Variants in BCL3 observed in about 807,000 individuals in gnomAD.
The protein encoded by BCL3 is BCL3 transcription coactivator, also known as B-cell lymphoma 3 protein.
BCL3 carries 15 observed loss-of-function variants against 35.7 expected under a neutral mutation model. The ratio of observed to expected loss-of-function variants is 0.42; its 90% CI spans 0.28 to 0.65. The LOEUF (loss-of-function observed/expected upper bound fraction) is 0.65, where lower values mean the gene tolerates loss of function less well. BCL3 is among the 30% of genes least tolerant of loss of function. The pLI is 0.22. For missense variants in BCL3, 565 were observed against 641.7 expected (o/e 0.88, Z 1.29); for synonymous variants, 311 against 284.3 (o/e 1.09, Z -0.95).
Position 44,752,731 on chromosome 19 carries a change from C to A in BCL3, c.410+1351C>A, listed in dbSNP as rs115921503. The stretch of plus-strand genomic sequence containing the variant: ...CTCACTGCAATTGATCATCATGATT[C>A]TTATTATTCTATTGACCTGGGTTGG... On this transcript the variant is annotated intron_variant, in intron 2 of 8. Coordinates refer to ENST00000164227, the MANE Select transcript of BCL3 (RefSeq NM_005178.5). 7.2e-3 allele frequency among the ~76,000 whole-genome samples: 1,092 copies of A among 152,266 alleles called. 11 individuals are homozygous for A. The highest frequency in any genetic ancestry group is 0.025 in the African/African-American group (1,051 of 41,528).
Position 44,759,577 on chromosome 19 carries a change from C to G in BCL3, c.1327C>G (p.Arg443Gly), listed in dbSNP as rs755569977. The G allele has an allele frequency of 7.5e-6, 12 of 1,609,552 alleles. No homozygotes were observed. The East Asian group carries it at 9.0e-5, about 12-fold the overall frequency. ...PFAGVLRGPG[R>G]PVPPSPAPGG... is the part of the protein sequence containing the mutation. The stretch of plus-strand genomic sequence containing the variant: ...TGCTGGGGTCCTCCGAGGCCCTGGC[C>G]GGCCGGTGCCCCCCTCCCCAGCTCC... The change falls in exon 9 of 9, where the codon CGG (arginine) becomes GGG (glycine). Residue 443 changes from arginine (R) to glycine (G), a missense_variant. Arg to Gly is a moderately radical substitution (Grantham distance 125). Around this residue, in one of 5 missense-constraint regions of BCL3, gnomAD observed 151 missense variants for 138.1 expected, o/e 1.09. Transcript: ENST00000164227.
chr19:44,759,479 A>C lies in BCL3; in HGVS notation c.1229A>C (p.Asp410Ala), dbSNP rs2122315527. ...TCACCCTCCCAGTCTCCCCCCAGGG[A>C]CCCCCCTGGATTCCCCATGGCTCCT... ...SSSPSQSPPR[D>A]PPGFPMAPPN... The change falls in exon 9 of 9, where the codon GAC becomes GCC. Residue 410 changes from aspartate (D) to alanine (A), a missense_variant. By Grantham distance (126) the Asp-to-Ala change is moderately radical. Coordinates refer to ENST00000164227, the MANE Select transcript of BCL3 (RefSeq NM_005178.5). The C allele has an allele frequency of 1.2e-6, 2 of 1,603,432 alleles. No homozygotes were observed. The highest frequency in any genetic ancestry group is 1.7e-6 in the Non-Finnish European group (2 of 1,175,466).
At chr19:44,756,683 T>C (rs1967294227) in intron 3 of BCL3, among the ~76,000 whole-genome samples, 1 of 150,582 alleles carries the variant, frequency 6.6e-6, no homozygotes, top group Admixed American at 6.6e-5. Flanking sequence ...AGCGAGGTGC[T>C]CCAGGCTCCT....
chr19:44,749,702 T>C (rs933779797), intron 1 of BCL3, among the ~76,000 whole-genome samples: 1 of 151,996 alleles, frequency 6.6e-6, no homozygotes, highest in African/African-American at 2.4e-5. Context: ...GAGACCCGGG[T>C]TTCTGGGTAC....
Position 44,751,253 on chromosome 19 carries a change from C to T in BCL3, c.283C>T (p.Arg95Trp), listed in dbSNP as rs780503593. 5.6e-6 allele frequency: 9 copies of T among 1,611,062 alleles called. No homozygotes were observed. The highest frequency in any genetic ancestry group is 5.4e-5 in the African/African-American group (4 of 74,654). Residue 95 changes from arginine to tryptophan, a missense_variant, in exon 2 of 9, where the codon CGG becomes TGG. Around this residue, in one of 5 missense-constraint regions of BCL3, gnomAD observed 267 missense variants for 281.5 expected, o/e 0.95. Coordinates refer to ENST00000164227, the MANE Select transcript of BCL3 (RefSeq NM_005178.5). ...PGALLPLYPT[R>W]AMGSPFPLVN... Reference sequence around the variant, plus strand: ...AGCCTTACTGCCTTTGTACCCCACTCGGGCCATGGGCTCCCCGTTTCCTCT... The same window carrying T: ...AGCCTTACTGCCTTTGTACCCCACTTGGGCCATGGGCTCCCCGTTTCCTCT...
chr19:44,758,970 C>T lies in BCL3; in HGVS notation c.1177+129C>T, dbSNP rs184362230. The T allele has an allele frequency of 7.0e-4, 556 of 790,592 alleles. 1 individual carries two copies. In the African/African-American group the frequency reaches 8.7e-3, roughly 12 times the overall value. 49.0% of individuals were successfully genotyped at this position (790,592 alleles called of 1,614,324 possible). On this transcript the variant is annotated intron_variant, in intron 8 of 8. Coordinates refer to ENST00000164227, the MANE Select transcript of BCL3 (RefSeq NM_005178.5). ...AGCCTCCTCCCTCTGACCCAGGAAT[C>T]CCAACCCATAGCCCCTCCTCCCTCA...
chr19:44,756,526 C>T lies in BCL3; in HGVS notation c.519+186C>T, dbSNP rs140655246. On this transcript the variant is annotated intron_variant, in intron 3 of 8. Coordinates refer to ENST00000164227, the MANE Select transcript of BCL3 (RefSeq NM_005178.5). Reference sequence around the variant, plus strand: ...GGAGGAGGGCTGCGGGCCTGGGATCCGGGGTCTGATGGAGGAGGGCTGGGT... The same window carrying T: ...GGAGGAGGGCTGCGGGCCTGGGATCTGGGGTCTGATGGAGGAGGGCTGGGT... Among the ~76,000 whole-genome samples the T allele has an allele frequency of 1.0e-3, 142 of 141,134 alleles. 2 individuals carry two copies. In the East Asian group the frequency reaches 0.026, roughly 26 times the overall value. The allele number at this position is 141,134 out of a possible 152,430, so 92.6% of individuals were successfully genotyped here.
Position 44,749,125 on chromosome 19 carries a change from A to C in BCL3, c.256+79A>C, listed in dbSNP as rs969752002. On this transcript the variant is annotated intron_variant, in intron 1 of 8. Transcript: ENST00000164227. ...CACCAGAGCCAGGAGGCAGAGCTTGAGGCACAAACCGGTGTCTCTCCAGGG... is the reference window on the plus strand; with the variant it reads ...CACCAGAGCCAGGAGGCAGAGCTTGCGGCACAAACCGGTGTCTCTCCAGGG... 4.0e-6 allele frequency: 3 copies of C among 742,400 alleles called. No individual in the cohort carries two copies. In the African/African-American group the frequency reaches 5.6e-5, roughly 14 times the overall value. The allele number at this position is 742,400 out of a possible 1,614,324, so 46.0% of individuals were successfully genotyped here. A position where few individuals can be genotyped will look rare whatever the true frequency, so the allele number is the denominator to read the frequency against.
rs1373472608 is a variant in BCL3, at chr19:44,757,803, A to T, written c.891+80A>T. 4.4e-6 allele frequency: 6 copies of T among 1,375,330 alleles called. No homozygotes were observed. The East Asian group carries it at 1.4e-4, about 32-fold the overall frequency. 85.2% of individuals were successfully genotyped at this position (1,375,330 alleles called of 1,614,324 possible). ...GCTCTGGCCTCAGCCCCTAGCTCTG[A>T]CCCCGCCTTCCACTTCTGGCTCCGG... On this transcript the variant is annotated intron_variant, in intron 6 of 8. Transcript: ENST00000164227. This position sits in a 1 kb window ranked among gnomAD's most constrained non-coding sequence, Gnocchi z 8.4.
At chr19:44,748,631 CG>C (rs947855046), upstream of BCL3, 48 of 915,434 alleles carry the variant, frequency 5.2e-5, no homozygotes, top group Middle Eastern at 5.1e-4. Context: ...CGGGTGGCCC[CG>C]GGGGGGCCGG....
rs544863954 is a variant in BCL3 at position 44,760,008 on chromosome 19, T to C, written c.*393T>C. ...CGATGTAAATTATTAAGCATTTTGG[T>C]TGGATTTCTTTTGTAATAAACTATT... On this transcript the variant is annotated 3_prime_UTR_variant, in exon 9 of 9. Transcript: ENST00000164227. 2 of 255,826 alleles carry C rather than the reference T, an allele frequency of 7.8e-6. No homozygotes were observed. Among genetic ancestry groups the C allele is most frequent in the African/African-American group, 4.4e-5 (2 of 45,828 alleles). The allele number at this position is 255,826 out of a possible 1,614,324, so 15.8% of individuals were successfully genotyped here. A position where few individuals can be genotyped will look rare whatever the true frequency, so the allele number is the denominator to read the frequency against.
At chr19:44,752,158 A>G (rs1286048922) in intron 2 of BCL3, among the ~76,000 whole-genome samples, 1 of 150,660 alleles carries the variant, frequency 6.6e-6, no homozygotes, top group African/African-American at 2.4e-5. Context: ...CGCCCTTACT[A>G]TGTGGGTTCT....
intron 1 of BCL3, among the ~76,000 whole-genome samples, chr19:44,750,221 C>T (rs1363481487): frequency 6.6e-6 from 1 of 152,170 alleles, no homozygotes; most frequent in Non-Finnish European, 1.5e-5. Context: ...AGAAAGCAGG[C>T]CTCAGTTTTC....
At chr19:44,753,944 G>T (rs28363848) in intron 2 of BCL3, among the ~76,000 whole-genome samples, 13,085 of 152,168 alleles carry the variant, frequency 0.086, 850 homozygotes, top group African/African-American at 0.18. Flanking sequence ...ACTCAGAGGG[G>T]CTTTACGGGC....
At chr19:44,756,385 G>T in intron 3 of BCL3, 45 bp downstream of exon 3, 2 of 1,341,920 alleles carry the variant, frequency 1.5e-6, no homozygotes, top group African/African-American at 1.5e-5. Flanking sequence ...TGGACTCCTG[G>T]GTCTGACAGA....
intron 7 of BCL3, 34 bp from the exon 8 acceptor site, chr19:44,758,690 G>T: frequency 6.5e-7 from 1 of 1,529,994 alleles, no homozygotes; most frequent in East Asian, 2.3e-5. Context: ...TGTGAGGCAT[G>T]GGTGGCTCTA....
chr19:44,757,548 G>C lies in BCL3; in HGVS notation c.814-98G>C, dbSNP rs1967320343. 1 of 1,535,728 alleles carries C rather than the reference G, an allele frequency of 6.5e-7. No homozygotes were observed. The highest frequency in any genetic ancestry group is 9.0e-7 in the Non-Finnish European group (1 of 1,116,082). ...GGGGCTTGGAGTATCAGACCCAAGA[G>C]AGAGGCTGGACCCCGCGAATGGGAT... On this transcript the variant is annotated intron_variant, in intron 5 of 8. Transcript: ENST00000164227. The surrounding 1 kb of genome is among the most constrained non-coding windows in gnomAD (Gnocchi z 8.4).
intron 2 of BCL3, 39 bp from the exon 3 acceptor site, chr19:44,756,193 C>A (rs754148610): frequency 2.9e-6 from 4 of 1,361,130 alleles, no homozygotes; most frequent in South Asian, 3.4e-5. Context: ...AGGTGAACAA[C>A]CCCTAATGCC....
intron 2 of BCL3, among the ~76,000 whole-genome samples, chr19:44,753,828 CGGG>C (rs58964062): frequency 0.04 from 1,294 of 32,594 alleles, 13 homozygotes; most frequent in African/African-American, 0.052. Flanking sequence ...AAGGCGGGGG[CGGG>C]GGGGGGGGGT....
Sources: allele counts gnomAD v4.1 joint callset (sites outside exome capture counted in the v4.1 genomes callset), GRCh38; gene constraint gnomAD v4.1.1; regional missense constraint gnomAD v4.1.1; non-coding constraint Gnocchi (gnomAD v3.1); transcripts MANE v1.5; gene names NCBI Gene and HGNC (gene_info 2026-07-23, HGNC 2026-07-21).